CREG1: variants seen among roughly 807,000 people sequenced by gnomAD.
The protein encoded by CREG1 is protein CREG1.
CREG1 carries 20 observed loss-of-function variants against 19.9 expected under a neutral mutation model. That is an observed-to-expected ratio of 1.01 (90% CI 0.71 to 1.46). CREG1 has a LOEUF of 1.46. CREG1 is among the 40% of genes most tolerant of loss of function. The probability of loss-of-function intolerance (pLI) is 0.00; values close to 1 mark genes in which losing one functional copy is unlikely to be tolerated. For missense variants in CREG1, 290 were observed against 314.9 expected (o/e 0.92, Z 0.60); for synonymous variants, 141 against 143.3 (o/e 0.98, Z 0.12).
At chr1:167,551,260 C>T (rs1656419285) in intron 1 of CREG1, among the ~76,000 whole-genome samples, 1 of 152,138 alleles carries the variant, frequency 6.6e-6, no homozygotes, top group South Asian at 2.1e-4. Context: ...TCTTTTTGTT[C>T]CTTCTGAACG....
chr1:167,549,902 G>T (rs1181425162), intron 1 of CREG1, among the ~76,000 whole-genome samples: 1 of 148,932 alleles, frequency 6.7e-6, no homozygotes, highest in Non-Finnish European at 1.5e-5. Flanking sequence ...GCCCTGGCTG[G>T]TCTCAAAATC....
chr1:167,549,073 T>C (rs1199681758), intron 1 of CREG1, among the ~76,000 whole-genome samples: 3 of 152,082 alleles, frequency 2.0e-5, no homozygotes, highest in Non-Finnish European at 2.9e-5. Flanking sequence ...AAAACCAGGA[T>C]AGAAGGTGGG....
chr1:167,547,077 A>G (rs1324714525), intron 2 of CREG1, among the ~76,000 whole-genome samples: 5 of 152,242 alleles, frequency 3.3e-5, no homozygotes, highest in African/African-American at 1.2e-4. Context: ...AGATGCATCC[A>G]CAAAGAATTT....
intron 3 of CREG1, among the ~76,000 whole-genome samples, chr1:167,542,754 T>C (rs1461223122): frequency 6.6e-6 from 1 of 152,152 alleles, no homozygotes; most frequent in Non-Finnish European, 1.5e-5. Context: ...AGGTGAACTT[T>C]CCCCCTTTCT....
chr1:167,552,411 C>T (rs1656436073), intron 1 of CREG1, among the ~76,000 whole-genome samples: 1 of 152,252 alleles, frequency 6.6e-6, no homozygotes, highest in South Asian at 2.1e-4. Flanking sequence ...CATTCCTGGA[C>T]TCTGTGTGTC....
chr1:167,550,101 C>T (rs1266582537), intron 1 of CREG1, among the ~76,000 whole-genome samples: 1 of 152,194 alleles, frequency 6.6e-6, no homozygotes, highest in Non-Finnish European at 1.5e-5. Flanking sequence ...CTGATGCTCT[C>T]AACTCAGCCT....
chr1:167,544,347 G>GCTTTATTGTCAAGAA (rs140583314), intron 3 of CREG1, among the ~76,000 whole-genome samples: 1 of 151,738 alleles, frequency 6.6e-6, no homozygotes, highest in Admixed American at 6.6e-5. Flanking sequence ...ACAAAACTGA[G>GCTTTATTGTCAAGAA]ATTTCCAATC....
chr1:167,543,021 G>A lies in CREG1; in HGVS notation c.660-720C>T, dbSNP rs1171550299. 2.6e-5 allele frequency among the ~76,000 whole-genome samples: 4 copies of A among 152,154 alleles called. No homozygotes were observed. The East Asian group carries it at 7.7e-4, about 29-fold the overall frequency. ...CCAGCATTTTGGGAGGCCGAGGCGGGCAGATCACGAGGTCAGGAGATTGAG... is the reference window on the plus strand; with the variant it reads ...CCAGCATTTTGGGAGGCCGAGGCGGACAGATCACGAGGTCAGGAGATTGAG... On this transcript the variant is annotated intron_variant, in intron 3 of 3. Transcript: ENST00000370509.
Position 167,542,265 on chromosome 1 carries a change from T to A in CREG1, c.*33A>T. ...TGTGTATGAGCCACTTTAAGAAACT[T>A]CATAAGTGTTGCTAAATTCACCACA... On this transcript the variant is annotated 3_prime_UTR_variant, in exon 4 of 4. Coordinates refer to ENST00000370509, the MANE Select transcript of CREG1 (RefSeq NM_003851.3). 1 of 1,593,826 alleles carries A rather than the reference T, an allele frequency of 6.3e-7. No homozygotes were observed. The highest frequency in any genetic ancestry group is 8.5e-7 in the Non-Finnish European group (1 of 1,171,880).
At chr1:167,543,330 C>G (rs1656257833) in intron 3 of CREG1, among the ~76,000 whole-genome samples, 1 of 152,128 alleles carries the variant, frequency 6.6e-6, no homozygotes, top group African/African-American at 2.4e-5. Context: ...ATCATGCAAA[C>G]ATGCTCATGG....
chr1:167,550,676 A>C (rs1656408882), intron 1 of CREG1, among the ~76,000 whole-genome samples: 1 of 152,200 alleles, frequency 6.6e-6, no homozygotes, highest in South Asian at 2.1e-4. Context: ...AGGAGGAAGA[A>C]GGACTGGATT....
chr1:167,553,416 G>A lies in CREG1; in HGVS notation c.326C>T (p.Pro109Leu). 6.9e-7 allele frequency: 1 copy of A among 1,455,334 alleles called. No homozygotes were observed. The highest frequency in any genetic ancestry group is 9.0e-7 in the Non-Finnish European group (1 of 1,109,246). The allele number at this position is 1,455,334 out of a possible 1,614,324, so 90.2% of individuals were successfully genotyped here. A position where few individuals can be genotyped will look rare whatever the true frequency, so the allele number is the denominator to read the frequency against. Residue 109 changes from proline (P) to leucine (L), a missense_variant, in exon 1 of 4, where the codon CCG becomes CTG. Coordinates refer to ENST00000370509, the MANE Select transcript of CREG1 (RefSeq NM_003851.3). ...GSGVPYFYLS[P>L]LQLSVSNLQE... ...CAGGTTGCTCACGGAGAGCTGCAGC[G>A]GGCTCAGGTAGAAATAGGGCACGCC...
Position 167,541,892 on chromosome 1 carries a change from GC to G in CREG1, c.*405del, listed in dbSNP as rs1656232067. ...TCAGGAGGCAGCTGTGGTGAGTGAT[GC>G]ACTCTACCAAGCACAGTGGCTTCTA... is the stretch of plus-strand genomic sequence containing the variant. On this transcript the variant is annotated 3_prime_UTR_variant, in exon 4 of 4. Transcript: ENST00000370509. 1 of 156,388 alleles carries G rather than the reference GC, an allele frequency of 6.4e-6. No individual in the cohort carries two copies. Among genetic ancestry groups the G allele is most frequent in the Non-Finnish European group, 1.4e-5 (1 of 70,778 alleles). 9.7% of individuals were successfully genotyped at this position (156,388 alleles called of 1,614,324 possible).
intron 1 of CREG1, among the ~76,000 whole-genome samples, chr1:167,553,173 G>A (rs1656449917): frequency 6.6e-6 from 1 of 152,174 alleles, no homozygotes; most frequent in Non-Finnish European, 1.5e-5. Context: ...CCCCAGGTGC[G>A]TGGCCCAGTG....
At chr1:167,548,195 T>C (rs1571626428) in intron 1 of CREG1, 74 bp from the exon 2 acceptor site, 2 of 1,237,904 alleles carry the variant, frequency 1.6e-6, no homozygotes, top group Non-Finnish European at 2.3e-6. Context: ...AAAAGTTGCA[T>C]ACATGATGTC....
chr1:167,553,327 G>A, intron 1 of CREG1, 61 bp downstream of exon 1: 2 of 1,225,352 alleles, frequency 1.6e-6, no homozygotes, highest in Non-Finnish European at 2.1e-6. Flanking sequence ...GGAGAGTGAA[G>A]GCTCGCTCTG....
chr1:167,542,863 G>T (rs1402025993), intron 3 of CREG1, among the ~76,000 whole-genome samples: 1 of 152,136 alleles, frequency 6.6e-6, no homozygotes, highest in Non-Finnish European at 1.5e-5. Flanking sequence ...GAAATATCCG[G>T]ATGTGCGCCA....
chr1:167,542,341 G>A, intron 3 of CREG1, 40 bp from the exon 4 acceptor site: 2 of 1,575,434 alleles, frequency 1.3e-6, no homozygotes, highest in Middle Eastern at 1.8e-4. Flanking sequence ...TGTTAAACTG[G>A]GTTAACAAAT....
chr1:167,553,690 C>A lies in CREG1; in HGVS notation c.52G>T (p.Ala18Ser), dbSNP rs748960430. The A allele has an allele frequency of 3.3e-5, 44 of 1,315,772 alleles. 1 individual carries two copies. In the South Asian group the frequency reaches 8.2e-4, roughly 25 times the overall value. 81.5% of individuals were successfully genotyped at this position (1,315,772 alleles called of 1,614,324 possible). A position where few individuals can be genotyped will look rare whatever the true frequency, so the allele number is the denominator to read the frequency against. The part of the protein sequence containing the change: ...SARALLAALL[A>S]STLLALLVSP... Reference sequence around the variant, plus strand: ...ACGAGCAGCGCCAACAGCGTCGACGCCAGCAGGGCGGCGAGCAGTGCGCGC... The same window carrying A: ...ACGAGCAGCGCCAACAGCGTCGACGACAGCAGGGCGGCGAGCAGTGCGCGC... Residue 18 changes from alanine (A) to serine (S), a missense_variant, in exon 1 of 4, where the codon GCG becomes TCG. Ala to Ser is a moderately conservative substitution (Grantham distance 99, BLOSUM62 1). Transcript: ENST00000370509.
Sources: gnomAD v4.1 joint callset for allele counts (sites outside exome capture counted in the v4.1 genomes callset) on GRCh38, gnomAD v4.1.1 for gene constraint, MANE v1.5 for transcripts, NCBI Gene and HGNC (gene_info 2026-07-23, HGNC 2026-07-21) for gene names.